Variants in RBFOX1 observed in about 807,000 individuals in gnomAD.
The protein encoded by RBFOX1 is RNA binding fox-1 homolog 1, also known as RNA binding protein fox-1 homolog 1.
A neutral mutation model predicts 57.7 loss-of-function variants in RBFOX1; 8 were observed. The observed-to-expected ratio is 0.14, with a 90% CI of 0.08 to 0.25. The LOEUF (loss-of-function observed/expected upper bound fraction) is 0.25. RBFOX1 is among the 10% of genes least tolerant of loss of function. The pLI is 1.00. For missense variants in RBFOX1, 611 were observed against 548.5 expected, an observed-to-expected ratio of 1.11 and a Z score of -1.14; for synonymous variants, 326 against 222.4, an observed-to-expected ratio of 1.47 and a Z score of -4.15.
rs1281715288 is a variant in RBFOX1 at position 6,964,751 on chromosome 16, G to T, written c.-15-87306G>T. 3.3e-5 allele frequency among the ~76,000 whole-genome samples: 5 copies of T among 152,194 alleles called. No homozygotes were observed. The East Asian group carries it at 9.6e-4, about 29-fold the overall frequency. ...GGAAGCACTTGTCCCTGCAATTCCT[G>T]TTGGAGAGCCTTTAAGAACTTCTCA... On this transcript the variant is annotated intron_variant, in intron 3 of 15. Coordinates refer to ENST00000550418, the MANE Select transcript of RBFOX1 (RefSeq NM_018723.4).
chr16:6,534,752 G>A (rs2096712285), intron 2 of RBFOX1, among the ~76,000 whole-genome samples: 1 of 152,150 alleles, frequency 6.6e-6, no homozygotes, highest in Admixed American at 6.5e-5. Context: ...ATTTTCTAAG[G>A]AGATGGCATT....
chr16:7,143,340 G>C (rs187240861), intron 4 of RBFOX1, among the ~76,000 whole-genome samples: 1 of 152,040 alleles, frequency 6.6e-6, no homozygotes, highest in Non-Finnish European at 1.5e-5. Context: ...TCAGGGAGAG[G>C]ACTGAGCCAC....
chr16:5,971,540 A>G (rs1351510053), intron 4 of RBFOX1, among the ~76,000 whole-genome samples: 2 of 152,190 alleles, frequency 1.3e-5, no homozygotes, highest in East Asian at 3.9e-4. Flanking sequence ...AAAGCAAATA[A>G]TTGGGGCAGC....
At position 7,330,265 on chromosome 16, in the gene RBFOX1, G is replaced by A. The variant is rs147883686; in HGVS notation, c.28-187882G>A. Among the ~76,000 whole-genome samples, 183 of 151,664 alleles carry A rather than the reference G, an allele frequency of 1.2e-3. 1 individual carries two copies. The highest frequency in any genetic ancestry group is 3.9e-3 in the African/African-American group (162 of 41,332). ...CATCTTCCCGTATACATATTAAATC[G>A]TCTTTAGATTACTTCTGAAGCCTAA... On this transcript the variant is annotated intron_variant, in intron 4 of 15. Coordinates refer to ENST00000550418, the MANE Select transcript of RBFOX1 (RefSeq NM_018723.4).
At chr16:7,433,276 G>T (rs767337130) in intron 4 of RBFOX1, among the ~76,000 whole-genome samples, 1 of 152,176 alleles carries the variant, frequency 6.6e-6, no homozygotes, top group African/African-American at 2.4e-5. Context: ...GTGAGTAAGG[G>T]TCCAGTTCTA....
chr16:7,637,960 A>C (rs529454980), intron 11 of RBFOX1, among the ~76,000 whole-genome samples: 2 of 152,298 alleles, frequency 1.3e-5, no homozygotes, highest in South Asian at 4.1e-4. Context: ...TTCCTTTTGG[A>C]GCCTTAAGAT....
rs35731542 is a variant in RBFOX1, at chr16:7,292,531, T to TACACAC, written c.28-225598_28-225593dup. ...TAAAATATATATAATACTATATGTA[T>TACACAC]ACACACACACACACACACACACAAA... On this transcript the variant is annotated intron_variant, in intron 4 of 15. Coordinates refer to ENST00000550418, the MANE Select transcript of RBFOX1 (RefSeq NM_018723.4). 9.5e-3 allele frequency among the ~76,000 whole-genome samples: 1,317 copies of TACACAC among 139,044 alleles called. 19 individuals carry two copies. The highest frequency in any genetic ancestry group is 0.073 in the Middle Eastern group (20 of 274). The allele number at this position is 139,044 out of a possible 152,430, so 91.2% of individuals were successfully genotyped here. A position where few individuals can be genotyped will look rare whatever the true frequency, so the allele number is the denominator to read the frequency against.
chr16:5,666,124 C>T (rs1047283983), intron 3 of RBFOX1, among the ~76,000 whole-genome samples: 4 of 152,216 alleles, frequency 2.6e-5, no homozygotes, highest in East Asian at 1.9e-4. Context: ...GGGCCGGTTC[C>T]GTTTGCCTGG....
intron 7 of RBFOX1, among the ~76,000 whole-genome samples, chr16:7,593,576 A>T (rs563472114): frequency 1.3e-5 from 2 of 152,160 alleles, no homozygotes; most frequent in Non-Finnish European, 2.9e-5. Flanking sequence ...ATTTGGTTCA[A>T]TCCCCTAAAG....
At chr16:5,671,475 C>T (rs1050643817) in intron 3 of RBFOX1, among the ~76,000 whole-genome samples, 13 of 152,220 alleles carry the variant, frequency 8.5e-5, no homozygotes, top group African/African-American at 2.4e-4. Flanking sequence ...TTAGTGTATG[C>T]GGTGCATGTT....
intron 4 of RBFOX1, among the ~76,000 whole-genome samples, chr16:7,081,798 T>A (rs1476631958): frequency 1.3e-5 from 2 of 152,196 alleles, no homozygotes; most frequent in Non-Finnish European, 2.9e-5. Flanking sequence ...GCCTGGAGAA[T>A]CCAATAATAG....
Position 5,608,171 on chromosome 16 carries a change from G to A in RBFOX1, c.318+9210G>A, listed in dbSNP as rs375143586. ...CCACTTGGAAGCTCATTGTCTGAGCGCATACCTTGTGAATTGTCATAACAC... is the reference window on the plus strand; with the variant it reads ...CCACTTGGAAGCTCATTGTCTGAGCACATACCTTGTGAATTGTCATAACAC... On this transcript the variant is annotated intron_variant, in intron 3 of 19. Coordinates refer to the RBFOX1 transcript ENST00000641259. Among the ~76,000 whole-genome samples, 122 of 152,310 alleles carry A rather than the reference G, an allele frequency of 8.0e-4. 1 individual carries two copies. In the South Asian group the frequency reaches 0.024, roughly 30 times the overall value.
intron 3 of RBFOX1, among the ~76,000 whole-genome samples, chr16:5,771,370 C>G (rs888861954): frequency 6.6e-6 from 1 of 152,186 alleles, no homozygotes; most frequent in African/African-American, 2.4e-5. Context: ...TAGCCAGTAA[C>G]TGGGTATCTC....
intron 4 of RBFOX1, among the ~76,000 whole-genome samples, chr16:7,353,004 C>T (rs1603627052): frequency 6.6e-6 from 1 of 152,158 alleles, no homozygotes; most frequent in Non-Finnish European, 1.5e-5. Context: ...GTATGAGCCA[C>T]TGCACCCAGC....
chr16:6,213,346 C>A (rs1363797730), intron 1 of RBFOX1, among the ~76,000 whole-genome samples: 1 of 152,086 alleles, frequency 6.6e-6, no homozygotes, highest in African/African-American at 2.4e-5. Context: ...GGAAAGGCAC[C>A]ATTTTGGGGC....
chr16:5,453,136 C>T (rs962352220), intron 1 of RBFOX1, among the ~76,000 whole-genome samples: 1 of 152,132 alleles, frequency 6.6e-6, no homozygotes, highest in Non-Finnish European at 1.5e-5. Flanking sequence ...CTACCTTCCT[C>T]CTTTTTCTCA....
chr16:7,512,424 A>G (rs1309748133), intron 4 of RBFOX1, among the ~76,000 whole-genome samples: 1 of 152,216 alleles, frequency 6.6e-6, no homozygotes. Flanking sequence ...AGGAAGTACA[A>G]TGGTCTTAAT....
intron 4 of RBFOX1, among the ~76,000 whole-genome samples, chr16:7,057,684 G>C (rs1017674752): frequency 1.1e-4 from 17 of 152,110 alleles, no homozygotes; most frequent in Non-Finnish European, 2.1e-4. Context: ...TTCATTACTG[G>C]GGAAAAGGAG....
At chr16:7,471,513 G>T (rs1401852478) in intron 4 of RBFOX1, among the ~76,000 whole-genome samples, 2 of 152,054 alleles carry the variant, frequency 1.3e-5, no homozygotes, top group Non-Finnish European at 2.9e-5. Flanking sequence ...ACATAAGGTT[G>T]GAGCACATAG....
Sources: gnomAD v4.1 joint callset for allele counts (sites outside exome capture counted in the v4.1 genomes callset) on GRCh38, gnomAD v4.1.1 for gene constraint, MANE v1.5 for transcripts, NCBI Gene and HGNC (gene_info 2026-07-23, HGNC 2026-07-21) for gene names.